The following TEAD4 variants were observed in gnomAD, a reference collection of about 807,000 sequenced individuals.
The protein encoded by TEAD4 is TEA domain transcription factor 4.
In TEAD4, 36 loss-of-function variants were observed where a neutral mutation model predicts 52.4. That is an observed-to-expected ratio of 0.69 (90% CI 0.53 to 0.91). The LOEUF (loss-of-function observed/expected upper bound fraction) is 0.91. Ranked by LOEUF, TEAD4 falls within the 40% of genes least tolerant of loss-of-function variation. The pLI, the probability that TEAD4 is intolerant of heterozygous loss-of-function variation, is 0.00. For synonymous variants in TEAD4, 220 were observed against 231.0 expected (o/e 0.95, Z 0.43); for missense variants, 508 against 583.9 (o/e 0.87, Z 1.34).
intron 2 of TEAD4, among the ~76,000 whole-genome samples, chr12:2,992,734 G>T (rs927203974): frequency 6.6e-5 from 10 of 152,278 alleles, no homozygotes; most frequent in Admixed American, 6.5e-4. Flanking sequence ...AGTGGACTCG[G>T]TGGCTGGGAT....
intron 5 of TEAD4, among the ~76,000 whole-genome samples, chr12:3,014,610 T>C (rs1245844611): frequency 6.6e-6 from 1 of 152,220 alleles, no homozygotes; most frequent in Non-Finnish European, 1.5e-5. Flanking sequence ...CCGTGAGTGC[T>C]TGGGCAGAGT....
At chr12:2,986,616 G>T (rs2098238730) in intron 2 of TEAD4, among the ~76,000 whole-genome samples, 1 of 151,152 alleles carries the variant, frequency 6.6e-6, no homozygotes, top group South Asian at 2.1e-4. Flanking sequence ...CTCCAGCCTG[G>T]GTGACAGAGT....
intron 10 of TEAD4, among the ~76,000 whole-genome samples, chr12:3,028,614 C>G (rs528989853): frequency 1.3e-5 from 2 of 152,006 alleles, no homozygotes; most frequent in East Asian, 3.9e-4. Context: ...GTAGAAATGC[C>G]AATTCAGAAA....
intron 10 of TEAD4, among the ~76,000 whole-genome samples, chr12:3,026,680 T>C (rs933731053): frequency 5.3e-5 from 8 of 152,204 alleles, no homozygotes; most frequent in Non-Finnish European, 7.3e-5. Flanking sequence ...AAATCAGAGC[T>C]GTAATACTGT....
chr12:3,035,487 T>C (rs559846148), intron 10 of TEAD4, among the ~76,000 whole-genome samples: 178 of 152,272 alleles, frequency 1.2e-3, no homozygotes, highest in African/African-American at 3.9e-3. Flanking sequence ...AGGAACAGTC[T>C]GACAAAGTCA....
chr12:2,994,877 T>C lies in TEAD4; in HGVS notation c.111T>C (p.Asn37=), dbSNP rs1565534323. ...AGGCACTGGACAAGCCCATCGACAA[T>C]GACGCAGAGGGCGTGTGGAGCCCGG... The change falls in exon 3 of 13, where the codon AAT becomes AAC. Residue 37 remains asparagine, a synonymous_variant. Transcript: ENST00000359864. This position sits in a 1 kb window ranked among gnomAD's most constrained non-coding sequence, Gnocchi z 4.7. The C allele has an allele frequency of 1.9e-6, 3 of 1,614,066 alleles. No individual in the cohort carries two copies. Among genetic ancestry groups the C allele is most frequent in the Non-Finnish European group, 2.5e-6 (3 of 1,180,020 alleles).
chr12:2,981,281 G>C (rs565293839), intron 2 of TEAD4, among the ~76,000 whole-genome samples: 1 of 152,326 alleles, frequency 6.6e-6, no homozygotes, highest in East Asian at 1.9e-4. Context: ...CAGCCCACCC[G>C]GCACTACCTG....
intron 9 of TEAD4, 146 bp downstream of exon 9, chr12:3,020,919 TC>T: frequency 1.2e-6 from 1 of 809,196 alleles, no homozygotes. Flanking sequence ...TTCCCCCCAC[TC>T]CTCCTTTCCT....
At chr12:3,004,203 T>C (rs1462584463) in intron 3 of TEAD4, among the ~76,000 whole-genome samples, 1 of 152,200 alleles carries the variant, frequency 6.6e-6, no homozygotes, top group African/African-American at 2.4e-5. Context: ...TCGGGGGGAT[T>C]GATCCAAAGG....
intron 2 of TEAD4, among the ~76,000 whole-genome samples, chr12:2,970,458 C>T (rs990483805): frequency 7.2e-5 from 11 of 152,182 alleles, no homozygotes; most frequent in South Asian, 2.1e-4. Flanking sequence ...GTTCTTTCCC[C>T]GGCACATAAT....
chr12:2,975,807 A>G (rs1181833950), intron 2 of TEAD4, among the ~76,000 whole-genome samples: 1 of 151,962 alleles, frequency 6.6e-6, no homozygotes, highest in African/African-American at 2.4e-5. Context: ...GAATAGCATC[A>G]CCGTTCCCCA....
At chr12:3,017,335 C>A (rs2098265298) in intron 5 of TEAD4, 63 bp from the exon 6 acceptor site, 9 of 1,608,328 alleles carry the variant, frequency 5.6e-6, no homozygotes, top group Admixed American at 3.4e-5. Context: ...GAGGGCCGGA[C>A]CTGCCTGGCC....
chr12:2,960,392 A>G, intron 2 of TEAD4: 1 of 985,122 alleles, frequency 1.0e-6, no homozygotes, highest in Non-Finnish European at 1.2e-6. Flanking sequence ...AGGCGATGCG[A>G]AAGTCGGGGG....
chr12:3,035,769 G>A (rs577222032), intron 10 of TEAD4, among the ~76,000 whole-genome samples: 6 of 147,352 alleles, frequency 4.1e-5, no homozygotes, highest in South Asian at 4.3e-4. Flanking sequence ...GCAGTGAGCC[G>A]TGATCATACC....
chr12:2,979,746 C>T (rs1359235689), intron 2 of TEAD4, among the ~76,000 whole-genome samples: 1 of 152,176 alleles, frequency 6.6e-6, no homozygotes, highest in East Asian at 1.9e-4. Context: ...ATCCATTCAG[C>T]AAGGCCCAAT....
chr12:3,037,337 A>G (rs2098280020), intron 10 of TEAD4, among the ~76,000 whole-genome samples: 1 of 152,170 alleles, frequency 6.6e-6, no homozygotes, highest in African/African-American at 2.4e-5. Context: ...ATTGCTCTGG[A>G]GGCTGAAGCA....
chr12:3,019,294 C>A, intron 8 of TEAD4, 124 bp downstream of exon 8: 1 of 1,077,682 alleles, frequency 9.3e-7, no homozygotes, highest in Non-Finnish European at 1.4e-6. Flanking sequence ...TGCACACTGA[C>A]CACACGTCCT....
chr12:3,006,224 C>T (rs2098255836), intron 3 of TEAD4, among the ~76,000 whole-genome samples: 1 of 151,976 alleles, frequency 6.6e-6, no homozygotes, highest in African/African-American at 2.4e-5. Context: ...AGATGTGTGC[C>T]TCGAAGGAGA....
At chr12:2,989,667 T>A (rs2098241518) in intron 2 of TEAD4, among the ~76,000 whole-genome samples, 1 of 152,140 alleles carries the variant, frequency 6.6e-6, no homozygotes, top group Non-Finnish European at 1.5e-5. Context: ...CTCAAACTCC[T>A]GGCCTCAAGC....
Sources: allele counts gnomAD v4.1 joint callset (sites outside exome capture counted in the v4.1 genomes callset), GRCh38; gene constraint gnomAD v4.1.1; non-coding constraint Gnocchi (gnomAD v3.1); transcripts MANE v1.5; gene names NCBI Gene and HGNC (gene_info 2026-07-23, HGNC 2026-07-21).